The following PASD1 variants were observed in gnomAD, a reference collection of about 807,000 sequenced individuals.
PASD1 encodes PAS domain containing repressor 1.
A neutral mutation model predicts 58.8 loss-of-function variants in PASD1; 13 were observed. The observed-to-expected ratio is 0.22, with a 90% confidence interval of 0.14 to 0.35. The LOEUF is 0.35. Ranked by LOEUF, PASD1 falls within the 10% of genes least tolerant of loss-of-function variation. The pLI is 1.00. For missense variants in PASD1, 734 were observed against 568.3 expected (o/e 1.29, Z -2.96); for synonymous variants, 236 against 216.7 (o/e 1.09, Z -0.78).
At chrX:151,666,276 C>G (rs1271229300) in intron 11 of PASD1, among the ~76,000 whole-genome samples, 1 of 110,062 alleles carries the variant, frequency 9.1e-6, no homozygotes, top group Non-Finnish European at 1.9e-5. Context: ...GCAATTGTTC[C>G]CAGGCCCGAC....
chrX:151,566,308 A>C (rs749706560), intron 1 of PASD1, among the ~76,000 whole-genome samples: 1 of 112,555 alleles, frequency 8.9e-6, no homozygotes, highest in Admixed American at 9.4e-5. Context: ...GGGAGTGATC[A>C]ATTTACCCTG....
intron 1 of PASD1, among the ~76,000 whole-genome samples, chrX:151,564,261 G>A (rs868088914): frequency 1.1e-4 from 12 of 112,767 alleles, no homozygotes; most frequent in East Asian, 2.8e-4. Context: ...TCTGGGGCGC[G>A]TCTCCATTAC....
At chrX:151,597,235 A>C (rs770208320) in intron 1 of PASD1, among the ~76,000 whole-genome samples, 1 of 112,173 alleles carries the variant, frequency 8.9e-6, no homozygotes, top group African/African-American at 3.2e-5. Context: ...GATAGGAGAT[A>C]CCTATCAGTT....
chrX:151,583,447 G>A (rs1453443177), intron 1 of PASD1, among the ~76,000 whole-genome samples: 1 of 111,962 alleles, frequency 8.9e-6, no homozygotes. Flanking sequence ...AAGGAGGATG[G>A]TTTCATCTCC....
At chrX:151,612,973 C>A (rs1432128726) in intron 4 of PASD1, among the ~76,000 whole-genome samples, 1 of 111,678 alleles carries the variant, frequency 9.0e-6, no homozygotes, top group Non-Finnish European at 1.9e-5. Flanking sequence ...AGTCTTTAAA[C>A]CATCTTGAAT....
chrX:151,611,614 T>C (rs774355253), intron 3 of PASD1, 50 bp from the exon 4 acceptor site: 3 of 923,054 alleles, frequency 3.3e-6, no homozygotes, highest in Non-Finnish European at 4.6e-6. Flanking sequence ...AAAACTATCA[T>C]TTTATTATTG....
chrX:151,580,163 A>C (rs1393463621), intron 1 of PASD1, among the ~76,000 whole-genome samples: 4 of 112,084 alleles, frequency 3.6e-5, no homozygotes. Context: ...TTTTAATGGA[A>C]TTTATAAATT....
intron 1 of PASD1, among the ~76,000 whole-genome samples, chrX:151,587,438 G>A (rs1483777361): frequency 9.0e-6 from 1 of 111,265 alleles, no homozygotes; most frequent in African/African-American, 3.3e-5. Context: ...GACAAAATTG[G>A]CCTGACCCTG....
At chrX:151,616,670 TA>T (rs2012014275) in intron 4 of PASD1, among the ~76,000 whole-genome samples, 1 of 111,636 alleles carries the variant, frequency 9.0e-6, no homozygotes, top group South Asian at 3.8e-4. Context: ...TTTGCAGTTC[TA>T]AAGCAAATGA....
In PASD1 at chrX:151,641,217, A is replaced by T. The variant is rs531468215; in HGVS notation, c.630-7398A>T. Reference sequence around the variant, plus strand: ...TTGTGGAAAACTGGTGTAACCAAAAAAAAAGCACATTAGAGGAGTTCAAAA... The same window carrying T: ...TTGTGGAAAACTGGTGTAACCAAAATAAAAGCACATTAGAGGAGTTCAAAA... On this transcript the variant is annotated intron_variant, in intron 8 of 15. Transcript: ENST00000370357. 10 of 111,245 alleles carry T rather than the reference A, an allele frequency of 9.0e-5. No homozygotes were observed. The South Asian group carries it at 3.9e-3, about 43-fold the overall frequency. 9.2% of individuals were successfully genotyped at this position (111,245 alleles called of 1,213,427 possible).
At position 151,604,808 on chromosome X, in the gene PASD1, C is replaced by T. The variant is rs1181271371; in HGVS notation, c.117+74C>T. 4.7e-6 allele frequency: 4 copies of T among 851,713 alleles called. No homozygotes were observed. The African/African-American group carries it at 8.1e-5, about 17-fold the overall frequency. 70.2% of individuals were successfully genotyped at this position (851,713 alleles called of 1,213,427 possible). On this transcript the variant is annotated intron_variant, in intron 3 of 15. Coordinates refer to ENST00000370357, the MANE Select transcript of PASD1 (RefSeq NM_173493.3). ...ATAGAAGACAAAGAATAGTGTTTGTCAAAGTGTGATTAGGAGATCATATGC... is the reference window on the plus strand; with the variant it reads ...ATAGAAGACAAAGAATAGTGTTTGTTAAAGTGTGATTAGGAGATCATATGC...
intron 8 of PASD1, among the ~76,000 whole-genome samples, chrX:151,640,792 G>A (rs746386841): frequency 6.3e-5 from 7 of 111,631 alleles, no homozygotes; most frequent in Non-Finnish European, 1.1e-4. Context: ...CCTTCTCTAC[G>A]TTTGAAAAGG....
chrX:151,665,981 T>A (rs2014373429), intron 11 of PASD1, among the ~76,000 whole-genome samples: 1 of 108,794 alleles, frequency 9.2e-6, no homozygotes, highest in South Asian at 4.1e-4. Context: ...AAGGACAAGT[T>A]GAACAATTTT....
chrX:151,573,460 T>G (rs1166848533), intron 1 of PASD1, among the ~76,000 whole-genome samples: 1 of 112,500 alleles, frequency 8.9e-6, no homozygotes, highest in Admixed American at 9.4e-5. Flanking sequence ...AGGCTATGTT[T>G]AGATAGCCTT....
intron 1 of PASD1, among the ~76,000 whole-genome samples, chrX:151,564,186 G>A (rs988798878): frequency 1.8e-5 from 2 of 113,179 alleles, no homozygotes; most frequent in African/African-American, 3.2e-5. Flanking sequence ...GAAAGCTTGC[G>A]GTGTCGCGAA....
intron 3 of PASD1, among the ~76,000 whole-genome samples, chrX:151,610,487 G>A (rs2013541932): frequency 1.8e-5 from 2 of 111,246 alleles, no homozygotes; most frequent in South Asian, 7.5e-4. Context: ...TACTTATTTT[G>A]TATTCTGTAT....
intron 3 of PASD1, among the ~76,000 whole-genome samples, chrX:151,606,807 A>G (rs764495437): frequency 1.8e-5 from 2 of 110,866 alleles, no homozygotes; most frequent in Non-Finnish European, 3.8e-5. Context: ...TAGAGAAGCA[A>G]AGTGCCTTAC....
At chrX:151,650,777 G>A (rs1336929831) in intron 9 of PASD1, among the ~76,000 whole-genome samples, 1 of 111,790 alleles carries the variant, frequency 8.9e-6, no homozygotes, top group African/African-American at 3.3e-5. Context: ...AAATCAATGA[G>A]AGGAGCTTCA....
chrX:151,630,647 A>G (rs771919494), intron 8 of PASD1, among the ~76,000 whole-genome samples: 1 of 112,334 alleles, frequency 8.9e-6, no homozygotes, highest in Non-Finnish European at 1.9e-5. Flanking sequence ...TAGAAAAGCA[A>G]TTGTTCACAA....
Sources: allele counts gnomAD v4.1 joint callset (sites outside exome capture counted in the v4.1 genomes callset), GRCh38; gene constraint gnomAD v4.1.1; transcripts MANE v1.5; gene names NCBI Gene and HGNC (gene_info 2026-07-23, HGNC 2026-07-21).